Variants in TRMT9B observed in about 807,000 individuals in gnomAD.
TRMT9B encodes the protein probable tRNA methyltransferase 9B.
A neutral mutation model predicts 11.5 loss-of-function variants in TRMT9B; 16 were observed. The ratio of observed to expected loss-of-function variants is 1.39; its 90% CI spans 0.94 to 2.11. The LOEUF (loss-of-function observed/expected upper bound fraction) is 2.11. Ranked by LOEUF, TRMT9B falls within the 30% of genes most tolerant of loss-of-function variation. The pLI is 0.00. For synonymous variants in TRMT9B, 274 were observed against 192.4 expected (o/e 1.42, Z -3.51); for missense variants, 941 against 553.8 (o/e 1.70, Z -7.02).
At chr8:12,985,758 C>T (rs1806185898) in intron 1 of TRMT9B, among the ~76,000 whole-genome samples, 3 of 152,134 alleles carry the variant, frequency 2.0e-5, no homozygotes, top group Admixed American at 2.0e-4. Context: ...AGTTTGTGAT[C>T]CTTCCTCCTC....
chr8:12,977,450 C>T (rs1249737004), intron 1 of TRMT9B, among the ~76,000 whole-genome samples: 1 of 152,170 alleles, frequency 6.6e-6, no homozygotes, highest in Non-Finnish European at 1.5e-5. Flanking sequence ...CATCTGTAAT[C>T]CCAGCACTTT....
At position 13,027,563 on chromosome 8, in the gene TRMT9B, A is replaced by G. The variant is rs2128907184; in HGVS notation, c.*5519A>G. 1 of 167,174 alleles carries G rather than the reference A, an allele frequency of 6.0e-6. No individual in the cohort carries two copies. 10.4% of individuals were successfully genotyped at this position (167,174 alleles called of 1,614,324 possible). A position where few individuals can be genotyped will look rare whatever the true frequency, so the allele number is the denominator to read the frequency against. On this transcript the variant is annotated 3_prime_UTR_variant, in exon 5 of 5. Coordinates refer to ENST00000524591, the MANE Select transcript of TRMT9B (RefSeq NM_020844.3). ...ATTATTTTTCAGTCTCATTTCCTGC[A>G]GTTGCACCCGATTTTTTCTGTTCTG...
rs1563464260 is a variant in TRMT9B at position 13,022,084 on chromosome 8, A to G, written c.*40A>G. On this transcript the variant is annotated 3_prime_UTR_variant, in exon 5 of 5. Coordinates refer to ENST00000524591, the MANE Select transcript of TRMT9B (RefSeq NM_020844.3). The stretch of plus-strand genomic sequence containing the variant: ...ACAACTCCTCCAAAAGATGAACCAC[A>G]TTCTTTCCTCTTGGTTTGATATGGT... The G allele has an allele frequency of 2.8e-6, 4 of 1,407,862 alleles. No individual in the cohort carries two copies. The highest frequency in any genetic ancestry group is 3.8e-6 in the Non-Finnish European group (4 of 1,040,770). The allele number at this position is 1,407,862 out of a possible 1,614,324, so 87.2% of individuals were successfully genotyped here. A position where few individuals can be genotyped will look rare whatever the true frequency, so the allele number is the denominator to read the frequency against.
chr8:12,983,674 T>C (rs551635868), intron 1 of TRMT9B, among the ~76,000 whole-genome samples: 36 of 152,084 alleles, frequency 2.4e-4, no homozygotes, highest in Admixed American at 1.3e-4. Context: ...CGTCTCAAAA[T>C]AATAATAATA....
intron 1 of TRMT9B, among the ~76,000 whole-genome samples, chr8:12,976,892 G>C (rs1284974868): frequency 6.6e-6 from 1 of 152,092 alleles, no homozygotes; most frequent in Admixed American, 6.6e-5. Flanking sequence ...GTTCAACCCA[G>C]ACCTATCTGG....
rs200534339 is a variant in TRMT9B at position 13,021,713 on chromosome 8, G to C, written c.1034G>C (p.Gly345Ala). The stretch of plus-strand genomic sequence containing the variant: ...CATCAAGGGGAAATGAGGAGAAATG[G>C]AGGGGGAAATTTTCTGGATAGCACT... ...GDHQGEMRRN[G>A]GGNFLDSTNT... is the part of the protein sequence containing the mutation. Residue 345 changes from glycine (G) to alanine (A), a missense_variant, in exon 5 of 5, where the codon GGA (glycine) becomes GCA (alanine). Physicochemically the swap from Gly to Ala is moderately conservative, Grantham distance 60 (BLOSUM62 0). Transcript: ENST00000524591. The C allele has an allele frequency of 1.1e-4, 179 of 1,613,946 alleles. 1 individual carries two copies. The Admixed American group carries it at 2.8e-3, about 25-fold the overall frequency.
chr8:12,980,083 G>A (rs555643829), intron 1 of TRMT9B, among the ~76,000 whole-genome samples: 5 of 152,246 alleles, frequency 3.3e-5, no homozygotes, highest in African/African-American at 1.2e-4. Context: ...GTTTCCCGGG[G>A]CTGCTGTAAT....
At chr8:12,980,589 G>A (rs938208965) in intron 1 of TRMT9B, among the ~76,000 whole-genome samples, 8 of 152,092 alleles carry the variant, frequency 5.3e-5, no homozygotes, top group African/African-American at 1.9e-4. Context: ...AATGCCGTGA[G>A]ATATTAAAGC....
chr8:12,952,724 T>C (rs1418203358), intron 1 of TRMT9B: 1 of 974,850 alleles, frequency 1.0e-6, no homozygotes, highest in Non-Finnish European at 1.2e-6. Context: ...TGTATGATAT[T>C]ACTTGCTATG....
At chr8:13,007,974 C>T (rs1397183813) in intron 3 of TRMT9B, among the ~76,000 whole-genome samples, 1 of 152,148 alleles carries the variant, frequency 6.6e-6, no homozygotes, top group African/African-American at 2.4e-5. Flanking sequence ...AGTTGATTGC[C>T]ATTATTCACA....
At chr8:12,995,029 A>G (rs1318151286) in intron 2 of TRMT9B, among the ~76,000 whole-genome samples, 4 of 152,220 alleles carry the variant, frequency 2.6e-5, no homozygotes, top group Non-Finnish European at 5.9e-5. Context: ...CTGAGTTCCA[A>G]GGCGCAGCTC....
intron 1 of TRMT9B, among the ~76,000 whole-genome samples, chr8:12,990,109 C>G (rs1409671678): frequency 6.6e-6 from 1 of 152,150 alleles, no homozygotes; most frequent in Non-Finnish European, 1.5e-5. Context: ...ATAAGAAGTA[C>G]AGTTTGTGGC....
At chr8:13,016,703 A>T (rs2128898513) in intron 4 of TRMT9B, among the ~76,000 whole-genome samples, 2 of 151,806 alleles carry the variant, frequency 1.3e-5, no homozygotes, top group South Asian at 4.2e-4. Context: ...CATAGGAGCA[A>T]TCAACAATGC....
intron 4 of TRMT9B, among the ~76,000 whole-genome samples, chr8:13,020,290 A>G (rs967603986): frequency 6.6e-6 from 1 of 152,192 alleles, no homozygotes; most frequent in Non-Finnish European, 1.5e-5. Context: ...TACTCCCTCA[A>G]AAACTAACAG....
At chr8:13,006,098 T>A (rs1279587583) in intron 2 of TRMT9B, 104 bp from the exon 3 acceptor site, 1 of 1,056,168 alleles carries the variant, frequency 9.5e-7, no homozygotes, top group Non-Finnish European at 1.4e-6. Context: ...ACAGCATGAG[T>A]TTGCAGTTGT....
At chr8:13,014,136 A>G (rs1429410548) in intron 4 of TRMT9B, among the ~76,000 whole-genome samples, 1 of 152,188 alleles carries the variant, frequency 6.6e-6, no homozygotes, top group Non-Finnish European at 1.5e-5. Context: ...GAGGGGAGGC[A>G]GACCTGGAAG....
chr8:13,013,502 A>T (rs924842678), intron 4 of TRMT9B, among the ~76,000 whole-genome samples: 6 of 152,238 alleles, frequency 3.9e-5, no homozygotes, highest in Non-Finnish European at 1.5e-5. Context: ...TGCCTGAAAT[A>T]CATGCAGGTA....
intron 4 of TRMT9B, among the ~76,000 whole-genome samples, chr8:13,020,445 A>T (rs1001021820): frequency 6.6e-6 from 1 of 152,164 alleles, no homozygotes; most frequent in Non-Finnish European, 1.5e-5. Flanking sequence ...AATAGACACA[A>T]CTATTTTATA....
At chr8:12,948,016 T>C (rs147143148) in intron 1 of TRMT9B, among the ~76,000 whole-genome samples, 1 of 152,354 alleles carries the variant, frequency 6.6e-6, no homozygotes, top group African/African-American at 2.4e-5. Context: ...CTGAGTTAAC[T>C]GAGAAAGGTC....
Sources: gnomAD v4.1 joint callset for allele counts (sites outside exome capture counted in the v4.1 genomes callset) on GRCh38, gnomAD v4.1.1 for gene constraint, MANE v1.5 for transcripts, NCBI Gene and HGNC (gene_info 2026-07-23, HGNC 2026-07-21) for gene names.